Variants in TENM4 observed in about 807,000 individuals in gnomAD.
TENM4 encodes the protein teneurin-4.
A neutral mutation model predicts 243.3 loss-of-function variants in TENM4; 82 were observed. The ratio of observed to expected loss-of-function variants is 0.34; its 90% CI spans 0.28 to 0.40. The LOEUF (loss-of-function observed/expected upper bound fraction) is 0.40, where lower values mean the gene tolerates loss of function less well. Among genes scored for constraint, TENM4 ranks in the 10% least tolerant of loss-of-function variants. The pLI is 1.00. For missense variants in TENM4, 3,138 were observed against 3,673.3 expected (o/e 0.85, Z 3.77); for synonymous variants, 1,412 against 1,456.3 (o/e 0.97, Z 0.69).
At chr11:79,190,654 T>C (rs1392307024) in intron 3 of TENM4, among the ~76,000 whole-genome samples, 1 of 152,182 alleles carries the variant, frequency 6.6e-6, no homozygotes, top group Non-Finnish European at 1.5e-5. Context: ...GTGGAAGGAA[T>C]CACATAAAAA....
chr11:79,364,077 C>A (rs937441213), intron 1 of TENM4, among the ~76,000 whole-genome samples: 11 of 152,096 alleles, frequency 7.2e-5, no homozygotes, highest in African/African-American at 2.7e-4. Flanking sequence ...CTTTGCTGAT[C>A]GAGATGGAAA....
intron 1 of TENM4, among the ~76,000 whole-genome samples, chr11:79,405,427 G>A (rs1013839018): frequency 6.6e-6 from 1 of 151,096 alleles, no homozygotes; most frequent in African/African-American, 2.4e-5. Context: ...TCATTTGACA[G>A]GAAAGGGAGA....
intron 6 of TENM4, among the ~76,000 whole-genome samples, chr11:78,953,796 G>A (rs918557048): frequency 4.6e-5 from 7 of 152,106 alleles, no homozygotes; most frequent in Admixed American, 3.3e-4. Flanking sequence ...TTGCTGTTGC[G>A]GGGAGGGTCC....
chr11:79,339,023 G>A (rs1043361285), intron 1 of TENM4, among the ~76,000 whole-genome samples: 4 of 152,198 alleles, frequency 2.6e-5, no homozygotes, highest in Non-Finnish European at 5.9e-5. Flanking sequence ...GGCAACGCCT[G>A]CTCAAACCTC....
chr11:79,020,942 C>T (rs1030558370), intron 6 of TENM4, among the ~76,000 whole-genome samples: 18 of 152,326 alleles, frequency 1.2e-4, no homozygotes, highest in Non-Finnish European at 2.2e-4. Context: ...CCACAGTACC[C>T]TCTGCAGCTG....
chr11:78,658,490 T>C lies in TENM4; in HGVS notation c.7878A>G (p.Glu2626=). Reference sequence around the variant, plus strand: ...TGAGGCCCAGGATGGCCAGGTCACCTTCTGAAGGTCCTGGTTTCACAAAGT... The same window carrying C: ...TGAGGCCCAGGATGGCCAGGTCACCCTCTGAAGGTCCTGGTTTCACAAAGT... ...THYFVKPGPS[E]GDLAILGLSG... The change falls in exon 34 of 34, where the codon GAA becomes GAG. Residue 2626 remains glutamate (E), a synonymous_variant. Transcript: ENST00000278550. 6.2e-7 allele frequency: 1 copy of C among 1,614,080 alleles called. No homozygotes were observed. Among genetic ancestry groups the C allele is most frequent in the Non-Finnish European group, 8.5e-7 (1 of 1,179,904 alleles).
chr11:78,809,481 C>T (rs1857452628), intron 14 of TENM4, among the ~76,000 whole-genome samples: 1 of 152,196 alleles, frequency 6.6e-6, no homozygotes, highest in Non-Finnish European at 1.5e-5. Flanking sequence ...TGATGCTCTG[C>T]CAAAGAGGTG....
At chr11:78,970,124 G>T (rs1857510438) in intron 6 of TENM4, among the ~76,000 whole-genome samples, 1 of 152,204 alleles carries the variant, frequency 6.6e-6, no homozygotes, top group African/African-American at 2.4e-5. Context: ...TGATAGAAAG[G>T]TCTGCGGCTC....
intron 1 of TENM4, among the ~76,000 whole-genome samples, chr11:79,377,954 AGT>A (rs1341941348): frequency 1.3e-5 from 2 of 152,174 alleles, no homozygotes; most frequent in Non-Finnish European, 2.9e-5. Context: ...TTTCCCGGTA[AGT>A]GTGTCTTTCC....
At chr11:79,284,976 G>A (rs982318269) in intron 2 of TENM4, among the ~76,000 whole-genome samples, 11 of 152,228 alleles carry the variant, frequency 7.2e-5, no homozygotes, top group African/African-American at 2.2e-4. Context: ...GGTGGCTCAC[G>A]CCTGTAATCC....
intron 6 of TENM4, among the ~76,000 whole-genome samples, chr11:78,907,112 T>C (rs1856080183): frequency 6.6e-6 from 1 of 152,152 alleles, no homozygotes; most frequent in Admixed American, 6.5e-5. Context: ...AAAGGGGACC[T>C]TGATGTTTCC....
intron 12 of TENM4, among the ~76,000 whole-genome samples, chr11:78,832,843 A>C (rs1858014044): frequency 6.6e-6 from 1 of 152,256 alleles, no homozygotes; most frequent in Admixed American, 6.5e-5. Context: ...GTGTATGGAA[A>C]GGCTGCTAAA....
chr11:79,247,067 C>T (rs1855530987), intron 2 of TENM4, among the ~76,000 whole-genome samples: 1 of 150,562 alleles, frequency 6.6e-6, no homozygotes, highest in South Asian at 2.1e-4. Flanking sequence ...CCTGAATATC[C>T]CCAGAGTCTA....
intron 15 of TENM4, among the ~76,000 whole-genome samples, chr11:78,789,775 C>A (rs1260625861): frequency 1.3e-5 from 2 of 152,166 alleles, no homozygotes; most frequent in Admixed American, 6.5e-5. Flanking sequence ...GCAGGCTTTT[C>A]CCCACAATGA....
intron 12 of TENM4, among the ~76,000 whole-genome samples, chr11:78,819,820 A>C (rs748057529): frequency 1.3e-5 from 2 of 152,100 alleles, no homozygotes; most frequent in Non-Finnish European, 2.9e-5. Context: ...TGTCTCCTTA[A>C]ATTATAAAAG....
At position 79,013,012 on chromosome 11, in the gene TENM4, A is replaced by C. The variant is rs532194178; in HGVS notation, c.493+51726T>G. 2.0e-5 allele frequency among the ~76,000 whole-genome samples: 3 copies of C among 152,328 alleles called. No individual in the cohort carries two copies. In the South Asian group the frequency reaches 6.2e-4, roughly 32 times the overall value. ...TCCCCAACATAAAGAAATGTCTGCT[A>C]TCAGGAACACTACACCAGACTGATA... On this transcript the variant is annotated intron_variant, in intron 6 of 33. Coordinates refer to ENST00000278550, the MANE Select transcript of TENM4 (RefSeq NM_001098816.3).
At position 79,165,454 on chromosome 11, in the gene TENM4, T is replaced by C. The variant is rs188462823; in HGVS notation, c.-162-16648A>G. Among the ~76,000 whole-genome samples, 420 of 152,334 alleles carry C rather than the reference T, an allele frequency of 2.8e-3. 8 individuals are homozygous for C. Among genetic ancestry groups the C allele is most frequent in the Admixed American group, 0.025 (386 of 15,310 alleles). On this transcript the variant is annotated intron_variant, in intron 3 of 33. Transcript: ENST00000278550. The stretch of plus-strand genomic sequence containing the variant: ...TTTATATACCTTCTTTTGAGAACTG[T>C]CTATTCATGTTCTTAGCCTACTTTT...
intron 6 of TENM4, among the ~76,000 whole-genome samples, chr11:78,917,134 G>T (rs1288803284): frequency 6.6e-6 from 1 of 152,204 alleles, no homozygotes; most frequent in Non-Finnish European, 1.5e-5. Context: ...CACACCAGAA[G>T]GACAATCCTA....
At chr11:79,053,499 C>T (rs78568749) in intron 6 of TENM4, among the ~76,000 whole-genome samples, 1 of 152,228 alleles carries the variant, frequency 6.6e-6, no homozygotes, top group Non-Finnish European at 1.5e-5. Context: ...TGCTATGATG[C>T]AACCCAGCTC....
Sources: gnomAD v4.1 joint callset for allele counts (sites outside exome capture counted in the v4.1 genomes callset) on GRCh38, gnomAD v4.1.1 for gene constraint, MANE v1.5 for transcripts, NCBI Gene and HGNC (gene_info 2026-07-23, HGNC 2026-07-21) for gene names.